Variants in GPC5 observed in about 807,000 individuals in gnomAD.
GPC5 encodes the protein glypican-5.
In GPC5, 47 loss-of-function variants were observed where a neutral mutation model predicts 53.9. The observed-to-expected ratio is 0.87, with a 90% confidence interval of 0.69 to 1.11. The LOEUF is 1.11. GPC5 is among the 50% of genes most tolerant of loss of function. The pLI is 0.00. For synonymous variants in GPC5, 286 were observed against 263.3 expected (o/e 1.09, Z -0.84); for missense variants, 748 against 713.1 (o/e 1.05, Z -0.56).
At chr13:92,080,974 G>C (rs113002234) in intron 6 of GPC5, among the ~76,000 whole-genome samples, 27 of 152,268 alleles carry the variant, frequency 1.8e-4, no homozygotes, top group African/African-American at 6.5e-4. Context: ...GCCCTTGACT[G>C]TGCAGTGGTG....
intron 7 of GPC5, among the ~76,000 whole-genome samples, chr13:92,550,001 T>G (rs910749319): frequency 7.2e-5 from 11 of 151,830 alleles, no homozygotes; most frequent in African/African-American, 2.7e-4. Flanking sequence ...ATAATTCAAG[T>G]ATACTGAATG....
chr13:91,575,740 A>C (rs72641438), intron 2 of GPC5, among the ~76,000 whole-genome samples: 9,140 of 152,194 alleles, frequency 0.06, 355 homozygotes, highest in Non-Finnish European at 0.086. Context: ...GGTGGCTACA[A>C]GATGAGAAAA....
At chr13:92,685,774 CATT>C (rs1269511486) in intron 7 of GPC5, among the ~76,000 whole-genome samples, 1 of 107,312 alleles carries the variant, frequency 9.3e-6, no homozygotes, top group Non-Finnish European at 1.8e-5. Flanking sequence ...CAAGTGATCT[CATT>C]GTTCAGTTCC....
At chr13:92,112,706 A>T (rs2041567784) in intron 6 of GPC5, among the ~76,000 whole-genome samples, 1 of 152,094 alleles carries the variant, frequency 6.6e-6, no homozygotes, top group East Asian at 1.9e-4. Context: ...TAGGATTGTA[A>T]CAGTCATTTG....
At chr13:92,184,108 G>T (rs1338739246) in intron 7 of GPC5, among the ~76,000 whole-genome samples, 1 of 151,656 alleles carries the variant, frequency 6.6e-6, no homozygotes, top group Non-Finnish European at 1.5e-5. Context: ...TTTTGCTTAT[G>T]GTGTATTATT....
intron 6 of GPC5, among the ~76,000 whole-genome samples, chr13:92,080,898 C>T (rs975446973): frequency 6.6e-6 from 1 of 152,172 alleles, no homozygotes; most frequent in Non-Finnish European, 1.5e-5. Context: ...GGCCCATGCT[C>T]TTGCTCCCTT....
chr13:91,616,214 A>T (rs1189421188), intron 2 of GPC5, among the ~76,000 whole-genome samples: 1 of 152,082 alleles, frequency 6.6e-6, no homozygotes, highest in Non-Finnish European at 1.5e-5. Flanking sequence ...TTCATTATGG[A>T]GCTGGGCACC....
At chr13:92,610,968 ATTTTTT>A (rs35225757) in intron 7 of GPC5, among the ~76,000 whole-genome samples, 1 of 140,120 alleles carries the variant, frequency 7.1e-6, no homozygotes, top group African/African-American at 2.6e-5. Flanking sequence ...CTCAATACAT[ATTTTTT>A]TTTTTTTTTT....
chr13:91,790,841 T>C (rs1001671554), intron 5 of GPC5, among the ~76,000 whole-genome samples: 2 of 152,226 alleles, frequency 1.3e-5, no homozygotes, highest in Admixed American at 1.3e-4. Flanking sequence ...TTTTACACAT[T>C]TCCTGTGATG....
intron 7 of GPC5, among the ~76,000 whole-genome samples, chr13:92,753,195 G>A (rs1227707136): frequency 1.3e-5 from 2 of 152,202 alleles, no homozygotes; most frequent in African/African-American, 4.8e-5. Context: ...CCCCCGAGCA[G>A]CCTAACTGGG....
At chr13:92,130,119 G>T (rs1566448208) in intron 6 of GPC5, among the ~76,000 whole-genome samples, 1 of 151,996 alleles carries the variant, frequency 6.6e-6, no homozygotes, top group Non-Finnish European at 1.5e-5. Flanking sequence ...CAATGAAATG[G>T]CATTTTAACA....
intron 7 of GPC5, among the ~76,000 whole-genome samples, chr13:92,264,916 G>A (rs982424671): frequency 7.5e-6 from 1 of 134,058 alleles, no homozygotes; most frequent in Non-Finnish European, 1.6e-5. Flanking sequence ...GTGTGTGTGT[G>A]TGTGTGTGTT....
chr13:92,642,874 G>GGCCAA (rs1885638704), intron 7 of GPC5, among the ~76,000 whole-genome samples: 2 of 152,136 alleles, frequency 1.3e-5, no homozygotes, highest in South Asian at 4.1e-4. Context: ...ATCCAGACCA[G>GGCCAA]GCCAAGGGAC....
At chr13:91,799,208 A>G (rs1394918934) in intron 5 of GPC5, among the ~76,000 whole-genome samples, 1 of 152,246 alleles carries the variant, frequency 6.6e-6, no homozygotes. Context: ...GTAAGACATT[A>G]TCCTAAACAA....
At chr13:92,533,876 C>T (rs1021403612) in intron 7 of GPC5, among the ~76,000 whole-genome samples, 17 of 152,218 alleles carry the variant, frequency 1.1e-4, no homozygotes, top group African/African-American at 3.9e-4. Context: ...GAACTGTTTA[C>T]ATTATTAATA....
At chr13:91,572,051 A>ATACGTG (rs1566516755) in intron 2 of GPC5, among the ~76,000 whole-genome samples, 1 of 46,062 alleles carries the variant, frequency 2.2e-5, no homozygotes, top group African/African-American at 2.6e-4. Context: ...ATACACACAT[A>ATACGTG]TGTATATATA....
intron 2 of GPC5, among the ~76,000 whole-genome samples, chr13:91,457,944 T>A (rs1286423915): frequency 1.3e-5 from 2 of 152,222 alleles, no homozygotes; most frequent in South Asian, 2.1e-4. Context: ...TCTTGATAGT[T>A]CCCATTTCAG....
At chr13:91,569,663 T>A (rs2031694783) in intron 2 of GPC5, among the ~76,000 whole-genome samples, 1 of 152,188 alleles carries the variant, frequency 6.6e-6, no homozygotes, top group Non-Finnish European at 1.5e-5. Flanking sequence ...TGTAGCTTAA[T>A]CCTCATTTTG....
At chr13:92,621,372 T>A (rs1884862811) in intron 7 of GPC5, among the ~76,000 whole-genome samples, 1 of 152,152 alleles carries the variant, frequency 6.6e-6, no homozygotes, top group Non-Finnish European at 1.5e-5. Flanking sequence ...CGTGCCTCTG[T>A]TACAGTTATC....
Sources: allele counts gnomAD v4.1 joint callset (sites outside exome capture counted in the v4.1 genomes callset), GRCh38; gene constraint gnomAD v4.1.1; transcripts MANE v1.5; gene names NCBI Gene and HGNC (gene_info 2026-07-23, HGNC 2026-07-21).